Variants in GUCY2F observed in about 807,000 individuals in gnomAD.
The protein encoded by GUCY2F is retinal guanylyl cyclase 2.
GUCY2F carries 61 observed loss-of-function variants against 73.1 expected under a neutral mutation model. The observed-to-expected ratio is 0.83, with a 90% CI of 0.68 to 1.03. The LOEUF (loss-of-function observed/expected upper bound fraction) is 1.03, where lower values mean the gene tolerates loss of function less well. GUCY2F is among the 50% of genes least tolerant of loss of function. The probability of loss-of-function intolerance (pLI) is 0.00; values close to 1 mark genes in which losing one functional copy is unlikely to be tolerated. For synonymous variants in GUCY2F, 331 were observed against 307.8 expected (o/e 1.08, Z -0.79); for missense variants, 912 against 854.3 (o/e 1.07, Z -0.84).
At chrX:109,411,828 A>C (rs765052639) in intron 8 of GUCY2F, among the ~76,000 whole-genome samples, 1 of 112,329 alleles carries the variant, frequency 8.9e-6, no homozygotes, top group Non-Finnish European at 1.9e-5. Flanking sequence ...ACCCAAGGAA[A>C]GTATAAAGAA....
At position 109,413,079 on chromosome X, in the gene GUCY2F, A is replaced by T. The variant is rs772616646; in HGVS notation, c.1792-3911T>A. 1.8e-5 allele frequency among the ~76,000 whole-genome samples: 2 copies of T among 112,557 alleles called. 1 individual carries two copies. Among genetic ancestry groups the T allele is most frequent in the South Asian group, 7.3e-4 (2 of 2,731 alleles). ...AGGTCTATTTGTTAAAACATCTAGCATTACACTAATGGTACTAGCATGGGA... is the reference window on the plus strand; with the variant it reads ...AGGTCTATTTGTTAAAACATCTAGCTTTACACTAATGGTACTAGCATGGGA... On this transcript the variant is annotated intron_variant, in intron 8 of 19. Transcript: ENST00000218006.
Position 109,382,108 on chromosome X carries a change from G to GAC in GUCY2F, c.3150+8_3150+9dup. The stretch of plus-strand genomic sequence containing the variant: ...AGTAGTCTGGCTCAAAAAACAAAAA[G>GAC]ACATTATACCTTGAGCTCTGTTCTT... On this transcript the variant is annotated intron_variant, in intron 17 of 19. Transcript: ENST00000218006. The GAC allele has an allele frequency of 9.3e-7, 1 of 1,074,930 alleles. No homozygotes were observed. The highest frequency in any genetic ancestry group is 3.0e-5 in the East Asian group (1 of 33,108). The allele number at this position is 1,074,930 out of a possible 1,213,427, so 88.6% of individuals were successfully genotyped here. A position where few individuals can be genotyped will look rare whatever the true frequency, so the allele number is the denominator to read the frequency against.
intron 6 of GUCY2F, 25 bp downstream of exon 6, chrX:109,448,044 A>C (rs747373694): frequency 1.5e-5 from 11 of 727,437 alleles, no homozygotes; most frequent in Non-Finnish European, 2.4e-5. Flanking sequence ...TGGACAGGGC[A>C]GCAAAAGAAG....
chrX:109,395,344 G>A lies in GUCY2F; in HGVS notation c.2421C>T (p.Asn807=), dbSNP rs1360713389. 4.2e-6 allele frequency: 5 copies of A among 1,204,261 alleles called. No individual in the cohort carries two copies. The highest frequency in any genetic ancestry group is 3.4e-6 in the Non-Finnish European group (3 of 890,232). ...TGATAAGATTCAGAGTCCTTACCTG[G>A]TTAAATATTTCATCAAAAGTTGGTC... ...EQRPTFDEIF[N]QFKTFNKGKK... The change falls in exon 12 of 20, where the codon AAC becomes AAT. Residue 807 remains asparagine, a synonymous_variant. Coordinates refer to ENST00000218006, the MANE Select transcript of GUCY2F (RefSeq NM_001522.3).
At chrX:109,439,063 G>A (rs1931814922) in intron 7 of GUCY2F, among the ~76,000 whole-genome samples, 1 of 112,258 alleles carries the variant, frequency 8.9e-6, no homozygotes, top group Non-Finnish European at 1.9e-5. Flanking sequence ...AGCCTGCAAA[G>A]TTGGCACCGC....
In GUCY2F at chrX:109,441,395, G is replaced by C. The variant is rs753390482; in HGVS notation, c.1657C>G (p.Leu553Val). 1.3e-5 allele frequency: 15 copies of C among 1,161,785 alleles called. No homozygotes were observed. The Admixed American group carries it at 3.4e-4, about 26-fold the overall frequency. The change falls in exon 7 of 20, where the codon CTA (leucine) becomes GTA (valine). Residue 553 changes from leucine to valine, a missense_variant. Transcript: ENST00000218006. ...SPRLSFSSGS[L>V]TPATYENSNI... Reference sequence around the variant, plus strand: ...GAGTTTTCATAGGTAGCTGGAGTTAGACTCCCTGAAGAAAAGGAGAGTCTT... The same window carrying C: ...GAGTTTTCATAGGTAGCTGGAGTTACACTCCCTGAAGAAAAGGAGAGTCTT...
intron 5 of GUCY2F, 83 bp downstream of exon 5, chrX:109,451,940 G>A (rs953076818): frequency 2.6e-5 from 15 of 574,350 alleles, no homozygotes; most frequent in Admixed American, 5.1e-5. Flanking sequence ...CAATTGTACC[G>A]AAACAGGACT....
At chrX:109,421,168 T>C (rs1255157319) in intron 8 of GUCY2F, among the ~76,000 whole-genome samples, 2 of 111,297 alleles carry the variant, frequency 1.8e-5, no homozygotes, top group Admixed American at 9.5e-5. Context: ...TGTAAAATGG[T>C]GCAACTGCTA....
intron 2 of GUCY2F, among the ~76,000 whole-genome samples, chrX:109,467,873 G>C (rs1932501970): frequency 8.9e-6 from 1 of 112,365 alleles, no homozygotes; most frequent in Admixed American, 9.4e-5. Flanking sequence ...TCCATCTGAA[G>C]ATCTGACTGT....
At chrX:109,412,719 G>C (rs1931140924) in intron 8 of GUCY2F, among the ~76,000 whole-genome samples, 1 of 112,406 alleles carries the variant, frequency 8.9e-6, no homozygotes, top group South Asian at 3.7e-4. Flanking sequence ...TTGGACCTAA[G>C]TGTAGCCATA....
chrX:109,475,242 G>A lies in GUCY2F; in HGVS notation c.695C>T (p.Ala232Val), dbSNP rs1240929379. ...TGQDSQSMRK[A>V]LQRIHQADRI... ...GTCTGCCTGGTGAATCCTCTGGAGG[G>A]CTTTCCGCATGCTTTGGCTGTCTTG... The change falls in exon 2 of 20, where the codon GCC (alanine) becomes GTC (valine). Residue 232 changes from alanine (A) to valine (V), a missense_variant. Ala to Val is a moderately conservative substitution (Grantham distance 64). Coordinates refer to ENST00000218006, the MANE Select transcript of GUCY2F (RefSeq NM_001522.3). The A allele has an allele frequency of 2.5e-6, 3 of 1,209,057 alleles. No individual in the cohort carries two copies. Among genetic ancestry groups the A allele is most frequent in the South Asian group, 1.8e-5 (1 of 56,767 alleles).
intron 3 of GUCY2F, among the ~76,000 whole-genome samples, chrX:109,458,410 G>A (rs1603385121): frequency 9.0e-6 from 1 of 111,537 alleles, no homozygotes. Flanking sequence ...TGTAGGTGTT[G>A]TCTGAGGATC....
intron 8 of GUCY2F, among the ~76,000 whole-genome samples, chrX:109,426,667 G>A (rs1603382415): frequency 8.9e-6 from 1 of 112,630 alleles, no homozygotes. Flanking sequence ...GGGATTACAG[G>A]CGTGAGCCAC....
At position 109,465,251 on chromosome X, in the gene GUCY2F, T is replaced by C. The variant is rs16985750; in HGVS notation, c.923A>G (p.Tyr308Cys). 1.8e-3 allele frequency: 2,190 copies of C among 1,208,124 alleles called. 27 individuals carry two copies. The African/African-American group carries it at 0.034, about 19-fold the overall frequency. Residue 308 changes from tyrosine (Y) to cysteine (C), a missense_variant, in exon 3 of 20, where the codon TAT becomes TGT. Physicochemically the swap from Tyr to Cys is radical, Grantham distance 194 (BLOSUM62 -2). Coordinates refer to ENST00000218006, the MANE Select transcript of GUCY2F (RefSeq NM_001522.3). The part of the protein sequence containing the change: ...LRNNPKLREA[Y>C]DAVLTITVES... ...CACTGTAATGGTCAACACTGCATCA[T>C]AGGCTTCCCGGAGCTTTGGGTTGTT...
At position 109,404,195 on chromosome X, in the gene GUCY2F, G is replaced by A; in HGVS notation, c.2125+133C>T. The A allele has an allele frequency of 1.9e-5, 10 of 513,562 alleles. No homozygotes were observed. In the South Asian group the frequency reaches 3.0e-4, roughly 16 times the overall value. 42.3% of individuals were successfully genotyped at this position (513,562 alleles called of 1,213,427 possible). On this transcript the variant is annotated intron_variant, in intron 10 of 19. Transcript: ENST00000218006. ...AGGCCTACTTCATTCAAGTCCCTTGGCTTGGAAATGAGGCTGGATTTTCAA... is the reference window on the plus strand; with the variant it reads ...AGGCCTACTTCATTCAAGTCCCTTGACTTGGAAATGAGGCTGGATTTTCAA...
chrX:109,455,551 T>C (rs1212631373), intron 3 of GUCY2F, among the ~76,000 whole-genome samples: 1 of 111,407 alleles, frequency 9.0e-6, no homozygotes, highest in Non-Finnish European at 1.9e-5. Context: ...CTTCTGGCTC[T>C]GAACTCCTGT....
intron 11 of GUCY2F, among the ~76,000 whole-genome samples, chrX:109,396,365 A>G (rs1488763677): frequency 9.0e-6 from 1 of 110,570 alleles, no homozygotes; most frequent in Non-Finnish European, 1.9e-5. Context: ...AAAAAAAATC[A>G]TTATCTCTCA....
chrX:109,455,656 C>T (rs1239168705), intron 3 of GUCY2F, among the ~76,000 whole-genome samples: 1 of 111,205 alleles, frequency 9.0e-6, no homozygotes, highest in Non-Finnish European at 1.9e-5. Flanking sequence ...GCTGACGTCT[C>T]TCTTCATACT....
chrX:109,390,488 TG>T (rs994282667), intron 14 of GUCY2F, among the ~76,000 whole-genome samples: 23 of 111,923 alleles, frequency 2.1e-4, no homozygotes, highest in South Asian at 1.1e-3. Context: ...TAAATAGGGC[TG>T]AAAAAAATAA....
Sources: gnomAD v4.1 joint callset for allele counts (sites outside exome capture counted in the v4.1 genomes callset) on GRCh38, gnomAD v4.1.1 for gene constraint, MANE v1.5 for transcripts, NCBI Gene and HGNC (gene_info 2026-07-23, HGNC 2026-07-21) for gene names.